Variants in ROBO2 observed in about 807,000 individuals in gnomAD.
ROBO2 encodes the protein roundabout guidance receptor 2.
Under a neutral mutation model 160.8 loss-of-function variants are expected in ROBO2, and 53 were observed. That is an observed-to-expected ratio of 0.33 (90% CI 0.26 to 0.41). The LOEUF (loss-of-function observed/expected upper bound fraction) is 0.41, where lower values mean the gene tolerates loss of function less well. Among genes scored for constraint, ROBO2 ranks in the 10% least tolerant of loss-of-function variants. ROBO2 has a pLI of 1.00. For missense variants in ROBO2, 1,577 were observed against 1,722.4 expected, an observed-to-expected ratio of 0.92 and a Z score of 1.49; for synonymous variants, 664 against 611.7, an observed-to-expected ratio of 1.09 and a Z score of -1.26.
intron 1 of ROBO2, among the ~76,000 whole-genome samples, chr3:77,060,450 C>T (rs2066183077): frequency 1.3e-5 from 2 of 152,164 alleles, no homozygotes; most frequent in African/African-American, 4.8e-5. Context: ...TTACCTAATT[C>T]ACTTGTTCTT....
intron 2 of ROBO2, among the ~76,000 whole-genome samples, chr3:76,253,661 A>G (rs778388278): frequency 6.6e-6 from 1 of 151,272 alleles, no homozygotes; most frequent in Non-Finnish European, 1.5e-5. Flanking sequence ...GAGAATAAAA[A>G]TTCTGAAAAG....
At chr3:77,193,438 G>C (rs55859226) in intron 2 of ROBO2, among the ~76,000 whole-genome samples, 1 of 150,264 alleles carries the variant, frequency 6.7e-6, no homozygotes. Flanking sequence ...ACACCACCAT[G>C]CCCAGCTAAG....
At chr3:77,489,169 A>T (rs750085997) in intron 4 of ROBO2, among the ~76,000 whole-genome samples, 1 of 152,212 alleles carries the variant, frequency 6.6e-6, no homozygotes, top group Non-Finnish European at 1.5e-5. Context: ...AGCACATCCT[A>T]ATACCCAGGT....
intron 1 of ROBO2, among the ~76,000 whole-genome samples, chr3:75,920,579 T>C (rs1012968204): frequency 1.3e-5 from 2 of 152,140 alleles, no homozygotes; most frequent in African/African-American, 4.8e-5. Flanking sequence ...AGTCTGAATA[T>C]CCTTGTTAAT....
At chr3:77,087,870 A>G (rs2069554861) in intron 1 of ROBO2, among the ~76,000 whole-genome samples, 1 of 152,056 alleles carries the variant, frequency 6.6e-6, no homozygotes, top group Non-Finnish European at 1.5e-5. Context: ...ATATAAAGAC[A>G]CACACACATA....
At chr3:76,024,657 A>G (rs2066679783) in intron 2 of ROBO2, among the ~76,000 whole-genome samples, 1 of 151,702 alleles carries the variant, frequency 6.6e-6, no homozygotes, top group East Asian at 1.9e-4. Context: ...TTGCAGTTTA[A>G]AAATGAATTG....
intron 2 of ROBO2, among the ~76,000 whole-genome samples, chr3:76,368,064 C>T (rs2075917513): frequency 6.6e-6 from 1 of 151,750 alleles, no homozygotes; most frequent in South Asian, 2.1e-4. Context: ...TCATATATTA[C>T]TATTGAATGA....
intron 2 of ROBO2, among the ~76,000 whole-genome samples, chr3:77,190,568 T>A (rs1193873714): frequency 6.6e-6 from 1 of 151,990 alleles, no homozygotes; most frequent in African/African-American, 2.4e-5. Flanking sequence ...AATGTAGCAT[T>A]ATAATCTGTG....
exon 23 of ROBO2, chr3:77,622,345 G>A (rs1472379753): frequency 1.9e-6 from 3 of 1,613,990 alleles, no homozygotes; most frequent in Admixed American, 3.3e-5. Flanking sequence ...CGACGACGAA[G>A]AGGAAGCTTT....
chr3:77,292,008 G>A (rs573710571), intron 2 of ROBO2, among the ~76,000 whole-genome samples: 1 of 151,762 alleles, frequency 6.6e-6, no homozygotes, highest in East Asian at 1.9e-4. Flanking sequence ...GGTAAGCTGA[G>A]GCTAGATCAC....
At chr3:77,288,179 T>C (rs1240435993) in intron 2 of ROBO2, among the ~76,000 whole-genome samples, 1 of 152,152 alleles carries the variant, frequency 6.6e-6, no homozygotes, top group Non-Finnish European at 1.5e-5. Context: ...ATGAAATTGT[T>C]TTTAGAAATT....
intron 2 of ROBO2, among the ~76,000 whole-genome samples, chr3:76,852,224 G>C (rs1004335213): frequency 5.9e-5 from 9 of 152,104 alleles, no homozygotes; most frequent in Non-Finnish European, 1.2e-4. Context: ...TGAATGTTTT[G>C]ACATGCAACA....
At chr3:77,018,730 G>T (rs2062437204) in intron 2 of ROBO2, among the ~76,000 whole-genome samples, 1 of 152,102 alleles carries the variant, frequency 6.6e-6, no homozygotes, top group African/African-American at 2.4e-5. Flanking sequence ...AAAATGGTTT[G>T]CAAAAATGTT....
chr3:77,027,304 C>G (rs974547133), intron 2 of ROBO2, among the ~76,000 whole-genome samples: 2 of 152,116 alleles, frequency 1.3e-5, no homozygotes, highest in Non-Finnish European at 1.5e-5. Context: ...AAGAAGAATT[C>G]ACCCGAACCA....
chr3:76,028,938 GGGCTAGTTCCT>G (rs2066829942), intron 2 of ROBO2, among the ~76,000 whole-genome samples: 1 of 152,038 alleles, frequency 6.6e-6, no homozygotes, highest in Admixed American at 6.6e-5. Context: ...CCTATTTTGG[GGGCTAGTTCCT>G]GGCAGTGATG....
chr3:76,882,139 G>A (rs2073410302), intron 2 of ROBO2, among the ~76,000 whole-genome samples: 1 of 151,404 alleles, frequency 6.6e-6, no homozygotes, highest in Non-Finnish European at 1.5e-5. Flanking sequence ...TTGGGTGGTA[G>A]GTTGGTTGGG....
chr3:76,044,167 A>G (rs922378437), intron 2 of ROBO2, among the ~76,000 whole-genome samples: 3 of 152,048 alleles, frequency 2.0e-5, no homozygotes, highest in Non-Finnish European at 4.4e-5. Context: ...TTTCTGTTTT[A>G]ACAAGGGTAG....
chr3:76,973,849 C>T (rs541501128), intron 2 of ROBO2, among the ~76,000 whole-genome samples: 1 of 152,248 alleles, frequency 6.6e-6, no homozygotes, highest in South Asian at 2.1e-4. Flanking sequence ...TAGACAATAT[C>T]ACCTTGTAAT....
At chr3:76,814,032 A>T (rs1455506761) in intron 2 of ROBO2, among the ~76,000 whole-genome samples, 1 of 152,172 alleles carries the variant, frequency 6.6e-6, no homozygotes, top group Admixed American at 6.6e-5. Flanking sequence ...AAACAAAAAT[A>T]ATATTCAATC....
Sources: gnomAD v4.1 joint callset for allele counts (sites outside exome capture counted in the v4.1 genomes callset) on GRCh38, gnomAD v4.1.1 for gene constraint, MANE v1.5 for transcripts, NCBI Gene and HGNC (gene_info 2026-07-23, HGNC 2026-07-21) for gene names.